ROBO2: variants seen among roughly 807,000 people sequenced by gnomAD.
ROBO2 encodes roundabout homolog 2.
In ROBO2, 53 loss-of-function variants were observed where a neutral mutation model predicts 160.8. The ratio of observed to expected loss-of-function variants is 0.33; its 90% confidence interval spans 0.26 to 0.41. ROBO2 has a LOEUF of 0.41. Ranked by LOEUF, ROBO2 falls within the 10% of genes least tolerant of loss-of-function variation. ROBO2 has a pLI of 1.00. For synonymous variants in ROBO2, 664 were observed against 611.7 expected, an observed-to-expected ratio of 1.09 and a Z score of -1.26; for missense variants, 1,577 against 1,722.4, an observed-to-expected ratio of 0.92 and a Z score of 1.49.
At chr3:76,362,978 T>C (rs1427243887) in intron 2 of ROBO2, among the ~76,000 whole-genome samples, 1 of 152,056 alleles carries the variant, frequency 6.6e-6, no homozygotes, top group Non-Finnish European at 1.5e-5. Context: ...GGTACCTTCA[T>C]TTCCTTTATT....
intron 2 of ROBO2, among the ~76,000 whole-genome samples, chr3:76,497,853 C>T (rs527866509): frequency 6.6e-6 from 1 of 152,150 alleles, no homozygotes; most frequent in East Asian, 1.9e-4. Context: ...TCCCAGCATT[C>T]CCAGCATTTC....
chr3:77,418,267 A>G (rs1168953704), intron 2 of ROBO2, among the ~76,000 whole-genome samples: 1 of 152,140 alleles, frequency 6.6e-6, no homozygotes, highest in Non-Finnish European at 1.5e-5. Flanking sequence ...AAGTTTTCTT[A>G]GTATTTCTAA....
At chr3:77,285,943 A>G (rs968906287) in intron 2 of ROBO2, among the ~76,000 whole-genome samples, 4 of 152,164 alleles carry the variant, frequency 2.6e-5, no homozygotes, top group Non-Finnish European at 5.9e-5. Flanking sequence ...TGCCCTATAT[A>G]AAACCAAAAA....
At chr3:77,362,333 C>A (rs1176060857) in intron 2 of ROBO2, among the ~76,000 whole-genome samples, 1 of 152,006 alleles carries the variant, frequency 6.6e-6, no homozygotes, top group Non-Finnish European at 1.5e-5. Flanking sequence ...GAGTGGGGGT[C>A]AGTGGATGGA....
At chr3:77,180,100 A>G (rs923973009) in intron 2 of ROBO2, among the ~76,000 whole-genome samples, 10 of 151,508 alleles carry the variant, frequency 6.6e-5, no homozygotes, top group African/African-American at 2.2e-4. Flanking sequence ...TTCTTCCCCC[A>G]TGTTTAGTGT....
At chr3:76,591,119 C>A (rs1225436677) in intron 2 of ROBO2, among the ~76,000 whole-genome samples, 1 of 151,940 alleles carries the variant, frequency 6.6e-6, no homozygotes, top group Non-Finnish European at 1.5e-5. Flanking sequence ...TGACTGGAAG[C>A]CTTACTGATA....
At chr3:76,732,781 A>G (rs1276679811) in intron 2 of ROBO2, among the ~76,000 whole-genome samples, 1 of 152,204 alleles carries the variant, frequency 6.6e-6, no homozygotes, top group Admixed American at 6.5e-5. Context: ...AGGACTGGCA[A>G]CATAATTTAG....
At chr3:76,765,377 C>G (rs1018253916) in intron 2 of ROBO2, among the ~76,000 whole-genome samples, 8 of 151,578 alleles carry the variant, frequency 5.3e-5, no homozygotes, top group African/African-American at 1.9e-4. Flanking sequence ...CCAGACTGAA[C>G]CCAGAGTGTG....
chr3:77,000,912 T>C (rs1578168761), intron 2 of ROBO2, among the ~76,000 whole-genome samples: 1 of 152,202 alleles, frequency 6.6e-6, no homozygotes, highest in African/African-American at 2.4e-5. Flanking sequence ...TAAAATGCTT[T>C]AGATACAGAG....
intron 2 of ROBO2, among the ~76,000 whole-genome samples, chr3:76,993,680 A>G (rs1054856230): frequency 6.6e-6 from 1 of 152,130 alleles, no homozygotes; most frequent in Non-Finnish European, 1.5e-5. Context: ...GTTACATACC[A>G]TACTTTGATG....
rs184401028 is a variant in ROBO2, at chr3:77,589,526, C to T, written c.2683+593C>T. ...ACAGTATTTTAAAAGAAAAGGAAAA[C>T]GAAGAAAAAGAGAAAGAAGCCGAAG... On this transcript the variant is annotated intron_variant, in intron 17 of 25. Coordinates refer to ENST00000461745, the Ensembl canonical transcript of ROBO2. 5.1e-4 allele frequency among the ~76,000 whole-genome samples: 77 copies of T among 151,970 alleles called. No homozygotes were observed. The East Asian group carries it at 0.013, about 26-fold the overall frequency.
At chr3:75,993,724 A>G (rs2065638844) in intron 2 of ROBO2, among the ~76,000 whole-genome samples, 1 of 152,126 alleles carries the variant, frequency 6.6e-6, no homozygotes, top group Non-Finnish European at 1.5e-5. Flanking sequence ...GGCAATGCAG[A>G]TTTCTGACCT....
intron 2 of ROBO2, among the ~76,000 whole-genome samples, chr3:76,124,095 A>G (rs1416836513): frequency 8.6e-6 from 1 of 116,074 alleles, no homozygotes; most frequent in African/African-American, 2.8e-5. Context: ...TATTGATGTC[A>G]AGAAAGATGA....
intron 2 of ROBO2, among the ~76,000 whole-genome samples, chr3:76,659,508 A>C (rs931630158): frequency 4.6e-5 from 7 of 152,038 alleles, no homozygotes; most frequent in African/African-American, 1.4e-4. Context: ...GCCTGTGAGA[A>C]TCGGCTCACC....
intron 9 of ROBO2, among the ~76,000 whole-genome samples, chr3:77,560,626 G>A (rs538902854): frequency 2.6e-5 from 4 of 152,104 alleles, no homozygotes; most frequent in African/African-American, 9.6e-5. Flanking sequence ...AAAAAATAAT[G>A]TGATGAATAC....
intron 2 of ROBO2, among the ~76,000 whole-genome samples, chr3:76,705,094 A>G (rs1470212135): frequency 6.6e-6 from 1 of 152,082 alleles, no homozygotes; most frequent in African/African-American, 2.4e-5. Context: ...AGGTAAGTGA[A>G]TGAGATTTTA....
intron 2 of ROBO2, among the ~76,000 whole-genome samples, chr3:76,146,033 TA>T (rs2071874291): frequency 6.6e-6 from 1 of 152,110 alleles, no homozygotes; most frequent in Admixed American, 6.6e-5. Flanking sequence ...AATTCTGGTT[TA>T]TATCATACAC....
At chr3:77,131,794 G>C (rs1017469259) in intron 2 of ROBO2, among the ~76,000 whole-genome samples, 3 of 152,024 alleles carry the variant, frequency 2.0e-5, no homozygotes, top group African/African-American at 7.2e-5. Context: ...ATTTACTTGT[G>C]AGACTAGAGA....
intron 2 of ROBO2, among the ~76,000 whole-genome samples, chr3:76,718,553 T>A (rs2093418038): frequency 6.6e-6 from 1 of 152,174 alleles, no homozygotes; most frequent in African/African-American, 2.4e-5. Context: ...AAACTTACGA[T>A]GAGTGAGCTT....
Sources: gnomAD v4.1 joint callset for allele counts (sites outside exome capture counted in the v4.1 genomes callset) on GRCh38, gnomAD v4.1.1 for gene constraint, MANE v1.5 for transcripts, NCBI Gene and HGNC (gene_info 2026-07-23, HGNC 2026-07-21) for gene names.